CELF2: variants seen among roughly 807,000 people sequenced by gnomAD.
CELF2 encodes the protein CUG triplet repeat RNA-binding protein 2.
In CELF2, 8 loss-of-function variants were observed where a neutral mutation model predicts 62.6. The observed-to-expected ratio is 0.13, with a 90% CI of 0.07 to 0.23. CELF2 has a LOEUF of 0.23. CELF2 is among the 10% of genes least tolerant of loss of function. The probability of loss-of-function intolerance (pLI) is 1.00; values close to 1 mark genes in which losing one functional copy is unlikely to be tolerated. For missense variants in CELF2, 333 were observed against 671.0 expected (o/e 0.50, Z 5.56); for synonymous variants, 258 against 250.0 (o/e 1.03, Z -0.30).
chr10:11,160,897 G>A (rs2065572322), intron 1 of CELF2, among the ~76,000 whole-genome samples: 1 of 152,154 alleles, frequency 6.6e-6, no homozygotes, highest in South Asian at 2.1e-4. Context: ...ATACAACACA[G>A]AAAGTTGCCC....
At position 11,098,931 on chromosome 10, in the gene CELF2, T is replaced by C. The variant is rs2050683912; in HGVS notation, c.75-66555T>C. ...AGTCCAGCAGGAGAATATTTAAAAC[T>C]GGGTTTGGTTTAAAATGCAGATAAC... On this transcript the variant is annotated intron_variant, in intron 1 of 12. Coordinates refer to ENST00000633077, the MANE Select transcript of CELF2 (RefSeq NM_001326342.2). This position sits in a 1 kb window ranked among gnomAD's most constrained non-coding sequence, Gnocchi z 4.0. Among the ~76,000 whole-genome samples the C allele has an allele frequency of 6.6e-6, 1 of 152,168 alleles. No homozygotes were observed. The highest frequency in any genetic ancestry group is 1.5e-5 in the Non-Finnish European group (1 of 68,026).
chr10:10,796,987 T>C, upstream of CELF2: 1 of 630,684 alleles, frequency 1.6e-6, no homozygotes, highest in Non-Finnish European at 2.0e-6. Flanking sequence ...AAAGTATCCA[T>C]GACTGCTAAA....
chr10:10,688,177 G>A, the CELF2 span, among the ~76,000 whole-genome samples: 5 of 152,290 alleles, frequency 3.3e-5, no homozygotes, highest in Admixed American at 6.5e-5. Flanking sequence ...CATGACAGCC[G>A]ATGGACTAAG....
chr10:10,636,315 C>A, the CELF2 span, among the ~76,000 whole-genome samples: 1 of 152,154 alleles, frequency 6.6e-6, no homozygotes, highest in African/African-American at 2.4e-5. Flanking sequence ...TCTGACTGAG[C>A]CATAATTAAC....
At chr10:11,066,715 G>T (rs1418519691) in intron 1 of CELF2, among the ~76,000 whole-genome samples, 1 of 147,886 alleles carries the variant, frequency 6.8e-6, no homozygotes. Context: ...GTCTGTCGGG[G>T]ATAAGGAGGA....
intron 1 of CELF2, among the ~76,000 whole-genome samples, chr10:11,027,591 C>A (rs555433093): frequency 3.3e-5 from 5 of 152,128 alleles, no homozygotes; most frequent in Non-Finnish European, 5.9e-5. Flanking sequence ...ATTGGCTATG[C>A]GTGGTTTTTA....
At chr10:10,504,915 C>T in the CELF2 span, among the ~76,000 whole-genome samples, 1 of 152,038 alleles carries the variant, frequency 6.6e-6, no homozygotes, top group Non-Finnish European at 1.5e-5. Context: ...CTTGCTGAAG[C>T]TTTCTTTTTT....
At chr10:11,106,438 T>C (rs904569711) in intron 1 of CELF2, among the ~76,000 whole-genome samples, 7 of 152,198 alleles carry the variant, frequency 4.6e-5, no homozygotes, top group Non-Finnish European at 1.0e-4. Context: ...GGTTTTGCCA[T>C]GTTGGCCAGG....
rs150491245 is a variant in CELF2, at chr10:10,893,959, G to A, written c.54-26005G>A. 1.9e-3 allele frequency among the ~76,000 whole-genome samples: 285 copies of A among 152,306 alleles called. 1 individual carries two copies. Among genetic ancestry groups the A allele is most frequent in the African/African-American group, 6.5e-3 (270 of 41,572 alleles). On this transcript the variant is annotated intron_variant, in intron 1 of 13. Coordinates refer to the CELF2 transcript ENST00000636488. The stretch of plus-strand genomic sequence containing the variant: ...GGGGACACAGATCCAAACCATATCA[G>A]AAGGCAAGCACTAGGAGCTCTTCAT...
At chr10:11,222,070 G>A (rs1039274978) in intron 3 of CELF2, among the ~76,000 whole-genome samples, 1 of 152,210 alleles carries the variant, frequency 6.6e-6, no homozygotes, top group Admixed American at 6.5e-5. Context: ...GACCAGTGTG[G>A]GTAGGCACCT....
the CELF2 span, among the ~76,000 whole-genome samples, chr10:10,529,316 C>T: frequency 6.6e-6 from 1 of 152,110 alleles, no homozygotes; most frequent in African/African-American, 2.4e-5. Flanking sequence ...GAAAATTCTC[C>T]AAGCTTTCTG....
intron 2 of CELF2, among the ~76,000 whole-genome samples, chr10:11,187,542 T>C (rs898364537): frequency 1.3e-5 from 2 of 150,092 alleles, no homozygotes; most frequent in African/African-American, 5.0e-5. Flanking sequence ...GTTGATAAAG[T>C]TTGGTTTAGG....
rs776306208 is a variant in CELF2 at position 11,223,041 on chromosome 10, C to T, written c.354+5534C>T. Among the ~76,000 whole-genome samples, 53 of 152,234 alleles carry T rather than the reference C, an allele frequency of 3.5e-4. No homozygotes were observed. Among genetic ancestry groups the T allele is most frequent in the Non-Finnish European group, 7.2e-4 (49 of 68,042 alleles). On this transcript the variant is annotated intron_variant, in intron 3 of 12. Coordinates refer to ENST00000633077, the MANE Select transcript of CELF2 (RefSeq NM_001326342.2). This position sits in a 1 kb window ranked among gnomAD's most constrained non-coding sequence, Gnocchi z 5.1. ...CAGCCTGCTGGCTTAGTCTCAATTA[C>T]TTTGTAGCGAACTTTCTTATTTGAG...
the CELF2 span, among the ~76,000 whole-genome samples, chr10:10,728,481 G>A: frequency 2.6e-4 from 38 of 147,158 alleles, no homozygotes; most frequent in South Asian, 1.9e-3. Flanking sequence ...AAAAGAGAGA[G>A]AAAAAAATGC....
At chr10:10,714,852 C>A in the CELF2 span, among the ~76,000 whole-genome samples, 1 of 151,592 alleles carries the variant, frequency 6.6e-6, no homozygotes, top group Non-Finnish European at 1.5e-5. Flanking sequence ...TCCAAACGAA[C>A]TTAATACATT....
Position 11,220,786 on chromosome 10 carries a change from C to T in CELF2, c.354+3279C>T, listed in dbSNP as rs1317111931. Among the ~76,000 whole-genome samples, 1 of 152,202 alleles carries T rather than the reference C, an allele frequency of 6.6e-6. No homozygotes were observed. Among genetic ancestry groups the T allele is most frequent in the Non-Finnish European group, 1.5e-5 (1 of 68,032 alleles). Reference sequence around the variant, plus strand: ...CTCCTCTAGAAGTGGTTGCTGGATGCTCCAGCAACAGAAGAAATTTTAGGT... The same window carrying T: ...CTCCTCTAGAAGTGGTTGCTGGATGTTCCAGCAACAGAAGAAATTTTAGGT... On this transcript the variant is annotated intron_variant, in intron 3 of 12. Transcript: ENST00000633077. This position sits in a 1 kb window ranked among gnomAD's most constrained non-coding sequence, Gnocchi z 4.4.
At chr10:11,325,126 C>T (rs1411445362) in intron 11 of CELF2, among the ~76,000 whole-genome samples, 4 of 152,202 alleles carry the variant, frequency 2.6e-5, no homozygotes, top group Non-Finnish European at 4.4e-5. Context: ...CCTGTGTTTA[C>T]TGGGAAAGGA....
intron 1 of CELF2, among the ~76,000 whole-genome samples, chr10:10,900,956 GC>G (rs2062896904): frequency 6.6e-6 from 1 of 152,150 alleles, no homozygotes; most frequent in Non-Finnish European, 1.5e-5. Context: ...AAAGTATTAA[GC>G]CTTGGGGGAT....
intron 1 of CELF2, among the ~76,000 whole-genome samples, chr10:10,837,360 G>A (rs1312406572): frequency 6.6e-6 from 1 of 152,094 alleles, no homozygotes; most frequent in Non-Finnish European, 1.5e-5. Context: ...ATGATTGTGA[G>A]CCCTCCCCAG....
Sources: allele counts gnomAD v4.1 joint callset (sites outside exome capture counted in the v4.1 genomes callset), GRCh38; gene constraint gnomAD v4.1.1; non-coding constraint Gnocchi (gnomAD v3.1); transcripts MANE v1.5; gene names NCBI Gene and HGNC (gene_info 2026-07-23, HGNC 2026-07-21).